STPG2: variants seen among roughly 807,000 people sequenced by gnomAD.
STPG2 encodes the protein sperm-tail PG-rich repeat-containing protein 2.
A neutral mutation model predicts 54.2 loss-of-function variants in STPG2; 56 were observed. The ratio of observed to expected loss-of-function variants is 1.03; its 90% CI spans 0.83 to 1.29. STPG2 has a LOEUF of 1.29. Ranked by LOEUF, STPG2 falls within the 50% of genes most tolerant of loss-of-function variation. The probability of loss-of-function intolerance (pLI) is 0.00; values close to 1 mark genes in which losing one functional copy is unlikely to be tolerated. For synonymous variants in STPG2, 200 were observed against 181.8 expected, an observed-to-expected ratio of 1.10 and a Z score of -0.81; for missense variants, 596 against 544.9, an observed-to-expected ratio of 1.09 and a Z score of -0.93.
intron 8 of STPG2, among the ~76,000 whole-genome samples, chr4:97,899,435 C>T (rs1050498329): frequency 6.6e-6 from 1 of 151,900 alleles, no homozygotes; most frequent in African/African-American, 2.4e-5. Context: ...TCCTATCAAA[C>T]TACCAATGAT....
intron 9 of STPG2, among the ~76,000 whole-genome samples, chr4:97,781,101 T>G (rs911904757): frequency 2.0e-5 from 3 of 149,834 alleles, no homozygotes; most frequent in Non-Finnish European, 3.0e-5. Flanking sequence ...CTGAAGGAGA[T>G]AGAGACACAA....
intron 1 of STPG2, among the ~76,000 whole-genome samples, chr4:98,141,581 T>C (rs566738569): frequency 6.6e-6 from 1 of 152,316 alleles, no homozygotes; most frequent in Non-Finnish European, 1.5e-5. Context: ...GCCCCCACTT[T>C]GAGTTGTCCC....
chr4:97,677,340 T>C (rs1177236370), intron 10 of STPG2, among the ~76,000 whole-genome samples: 1 of 152,186 alleles, frequency 6.6e-6, no homozygotes, highest in Non-Finnish European at 1.5e-5. Context: ...GAACCAATTA[T>C]AGCTATTATA....
At chr4:97,589,809 C>T (rs1733091973) in intron 10 of STPG2, among the ~76,000 whole-genome samples, 4 of 152,122 alleles carry the variant, frequency 2.6e-5, no homozygotes, top group Non-Finnish European at 5.9e-5. Flanking sequence ...TTCTATTTTT[C>T]CATTTGTTTA....
intron 10 of STPG2, among the ~76,000 whole-genome samples, chr4:97,700,272 G>T (rs1023335271): frequency 2.0e-5 from 3 of 152,142 alleles, no homozygotes; most frequent in Non-Finnish European, 4.4e-5. Context: ...TTGTACAGTA[G>T]CCTGGACCTG....
chr4:97,684,862 A>G (rs1020683505), intron 10 of STPG2, among the ~76,000 whole-genome samples: 1 of 151,992 alleles, frequency 6.6e-6, no homozygotes, highest in Non-Finnish European at 1.5e-5. Flanking sequence ...TAAACAAAGG[A>G]CTTTTATCCA....
chr4:98,040,885 T>G (rs1001250803), intron 5 of STPG2, among the ~76,000 whole-genome samples: 2 of 151,782 alleles, frequency 1.3e-5, no homozygotes, highest in Non-Finnish European at 3.0e-5. Flanking sequence ...TGACAGGAAT[T>G]GCATTAAATC....
At chr4:97,779,398 A>T (rs1726516703) in intron 9 of STPG2, among the ~76,000 whole-genome samples, 1 of 152,194 alleles carries the variant, frequency 6.6e-6, no homozygotes, top group Non-Finnish European at 1.5e-5. Flanking sequence ...GGGTAAAAAG[A>T]AATGAACAAA....
At chr4:97,442,059 C>A (rs1729099492) in intron 4 of STPG2, among the ~76,000 whole-genome samples, 1 of 150,918 alleles carries the variant, frequency 6.6e-6, no homozygotes, top group Admixed American at 6.6e-5. Context: ...CCTTTTTTTT[C>A]ACTAAGCTTC....
In STPG2 at chr4:97,815,904, A is replaced by T. The variant is rs192336591; in HGVS notation, c.1204+24869T>A. 4.2e-3 allele frequency among the ~76,000 whole-genome samples: 640 copies of T among 152,206 alleles called. 3 individuals carry two copies. Among genetic ancestry groups the T allele is most frequent in the South Asian group, 0.024 (115 of 4,802 alleles). ...TGTTTTTTTATTATTATTCTACTTT[A>T]AGTTCTGGGATACATGTGCAGAATG... On this transcript the variant is annotated intron_variant, in intron 9 of 10. Transcript: ENST00000295268.
chr4:97,537,802 GCAGACTGA>G (rs1163357375), intron 4 of STPG2, among the ~76,000 whole-genome samples: 1 of 152,150 alleles, frequency 6.6e-6, no homozygotes, highest in Non-Finnish European at 1.5e-5. Flanking sequence ...CCTAGTAGGG[GCAGACTGA>G]CACCTCACAT....
At position 97,772,305 on chromosome 4, in the gene STPG2, G is replaced by A. The variant is rs113826325; in HGVS notation, c.1205-59491C>T. On this transcript the variant is annotated intron_variant, in intron 9 of 10. Transcript: ENST00000295268. The stretch of plus-strand genomic sequence containing the variant: ...ACTATGTGTAACATATGTTGAAATC[G>A]TATCAATCAAAATTTAATTGTATGT... 4.6e-5 allele frequency among the ~76,000 whole-genome samples: 7 copies of A among 152,184 alleles called. No individual in the cohort carries two copies. In the East Asian group the frequency reaches 5.8e-4, roughly 13 times the overall value.
chr4:97,577,624 G>A (rs1252619868), intron 10 of STPG2, among the ~76,000 whole-genome samples: 3 of 152,010 alleles, frequency 2.0e-5, no homozygotes, highest in South Asian at 2.1e-4. Context: ...ACTACCTATT[G>A]GGTATTATGC....
intron 5 of STPG2, among the ~76,000 whole-genome samples, chr4:97,985,297 C>A (rs11733968): frequency 0.26 from 39,962 of 151,998 alleles, 5,712 homozygotes; most frequent in Middle Eastern, 0.36. Context: ...TCTGAACCAA[C>A]TGAATCAATT....
chr4:97,905,762 T>A (rs961550827), intron 8 of STPG2, among the ~76,000 whole-genome samples: 8 of 151,628 alleles, frequency 5.3e-5, no homozygotes, highest in African/African-American at 1.9e-4. Flanking sequence ...TGGAGGAAGA[T>A]CTACCAAGCA....
chr4:98,022,259 T>C (rs1288924044), intron 5 of STPG2, among the ~76,000 whole-genome samples: 2 of 151,846 alleles, frequency 1.3e-5, no homozygotes, highest in Non-Finnish European at 2.9e-5. Context: ...AAGTATTTTA[T>C]TTCTCCTTCA....
intron 7 of STPG2, among the ~76,000 whole-genome samples, chr4:97,955,530 C>A (rs1444016962): frequency 1.3e-5 from 2 of 152,032 alleles, no homozygotes; most frequent in Non-Finnish European, 2.9e-5. Flanking sequence ...CAGAAGAATT[C>A]TAAGAGTGTT....
intron 4 of STPG2, among the ~76,000 whole-genome samples, chr4:97,547,653 G>T (rs572823513): frequency 1.3e-5 from 2 of 152,280 alleles, no homozygotes; most frequent in South Asian, 4.1e-4. Context: ...GATCAGGTAG[G>T]TGATTATGGG....
At chr4:97,503,588 TA>T in intron 4 of STPG2, among the ~76,000 whole-genome samples, 1 of 151,312 alleles carries the variant, frequency 6.6e-6, no homozygotes, top group Non-Finnish European at 1.5e-5. Flanking sequence ...GCCTGGCTAG[TA>T]TGTATGTTTT....
Sources: gnomAD v4.1 joint callset for allele counts (sites outside exome capture counted in the v4.1 genomes callset) on GRCh38, gnomAD v4.1.1 for gene constraint, MANE v1.5 for transcripts, NCBI Gene and HGNC (gene_info 2026-07-23, HGNC 2026-07-21) for gene names.